The following ZNF778 variants were observed in gnomAD, a reference collection of about 807,000 sequenced individuals.
ZNF778 encodes the protein zinc finger protein 778.
In ZNF778, 37 loss-of-function variants were observed where a neutral mutation model predicts 23.9. The ratio of observed to expected loss-of-function variants is 1.54; its 90% CI spans 1.19 to 2.03. The LOEUF is 2.03. ZNF778 is among the 30% of genes most tolerant of loss of function. ZNF778 has a pLI of 0.00. For synonymous variants in ZNF778, 483 were observed against 343.9 expected (o/e 1.40, Z -4.48); for missense variants, 1,297 against 934.4 (o/e 1.39, Z -5.06).
rs747790377 is a variant in ZNF778, at chr16:89,228,084, C to G, written c.1796C>G (p.Thr599Ser). 6.2e-7 allele frequency: 1 copy of G among 1,612,910 alleles called. No homozygotes were observed. Among genetic ancestry groups the G allele is most frequent in the South Asian group, 1.1e-5 (1 of 91,022 alleles). Reference sequence around the variant, plus strand: ...TGTAAGGACTGTGGGAAAACATTCACTGTTTCTTCGAGCCTAACCGAGCAC... The same window carrying G: ...TGTAAGGACTGTGGGAAAACATTCAGTGTTTCTTCGAGCCTAACCGAGCAC... ...YECKDCGKTF[T>S]VSSSLTEHIR... Residue 599 changes from threonine to serine, a missense_variant, in exon 7 of 7, where the codon ACT becomes AGT. Physicochemically the swap from Thr to Ser is moderately conservative, Grantham distance 58 (BLOSUM62 1). Transcript: ENST00000433976.
Position 89,223,082 on chromosome 16 carries a change from G to T in ZNF778, c.118-75G>T. 3 of 1,544,870 alleles carry T rather than the reference G, an allele frequency of 1.9e-6. No individual in the cohort carries two copies. The South Asian group carries it at 3.7e-5, about 19-fold the overall frequency. ...GGCCTCACAGTCCCATAGGCGTAGG[G>T]CCCCGCCTCCTCATTCTTCAGTGAA... is the stretch of plus-strand genomic sequence containing the variant. On this transcript the variant is annotated intron_variant, in intron 3 of 6. Coordinates refer to ENST00000433976, the MANE Select transcript of ZNF778 (RefSeq NM_001201407.2).
rs1467443999 is a variant in ZNF778, at chr16:89,226,752, G to T, written c.464G>T (p.Ser155Ile). The change falls in exon 7 of 7, where the codon AGT becomes ATT. Residue 155 changes from serine to isoleucine, a missense_variant. Transcript: ENST00000433976. ...CDRTQCGEAF[S>I]EHSGLSTHVR... ...CGCACGCAGTGTGGAGAAGCTTTCA[G>T]TGAACACTCAGGCCTCAGCACACAC... 2 of 1,614,004 alleles carry T rather than the reference G, an allele frequency of 1.2e-6. No homozygotes were observed. Among genetic ancestry groups the T allele is most frequent in the East Asian group, 2.2e-5 (1 of 44,886 alleles).
At position 89,228,647 on chromosome 16, in the gene ZNF778, TGAG is replaced by T. The variant is rs769775587; in HGVS notation, c.*88_*90del. The T allele has an allele frequency of 1.7e-4, 253 of 1,513,230 alleles. No individual in the cohort carries two copies. The highest frequency in any genetic ancestry group is 2.1e-4 in the Non-Finnish European group (241 of 1,137,250). 93.7% of individuals were successfully genotyped at this position (1,513,230 alleles called of 1,614,324 possible). A position where few individuals can be genotyped will look rare whatever the true frequency, so the allele number is the denominator to read the frequency against. ...TCTCGTTCTCCAGATGTCCATGACT[TGAG>T]GAATGTGGCTAGGCAATCAGCATCT... On this transcript the variant is annotated 3_prime_UTR_variant, in exon 7 of 7. Transcript: ENST00000433976.
chr16:89,225,425 G>A, intron 5 of ZNF778, 130 bp from the exon 6 acceptor site: 1 of 673,060 alleles, frequency 1.5e-6, no homozygotes, highest in Middle Eastern at 3.0e-4. Flanking sequence ...CAGTTCCTAT[G>A]ATTCCAAATT....
chr16:89,234,050 G>A lies in ZNF778; in HGVS notation c.*5488G>A. 2.4e-6 allele frequency: 2 copies of A among 833,464 alleles called. No homozygotes were observed. Among genetic ancestry groups the A allele is most frequent in the Non-Finnish European group, 3.5e-6 (2 of 572,116 alleles). 51.6% of individuals were successfully genotyped at this position (833,464 alleles called of 1,614,324 possible). A position where few individuals can be genotyped will look rare whatever the true frequency, so the allele number is the denominator to read the frequency against. On this transcript the variant is annotated 3_prime_UTR_variant, in exon 7 of 7. Transcript: ENST00000433976. The stretch of plus-strand genomic sequence containing the variant: ...TCTGCCTCCCCTGGCTCTGACTTCT[G>A]CCTCCTGCCCAGCTCTGCAGCTCCC...
Position 89,221,093 on chromosome 16 carries a change from A to T in ZNF778, c.-35A>T. ...CCCTGCAGTGGCCTTGGCTTCAGGA[A>T]AGGAGCATTCAGACGCTTCCGTCAG... is the stretch of plus-strand genomic sequence containing the variant. On this transcript the variant is annotated 5_prime_UTR_variant, in exon 2 of 7. Transcript: ENST00000433976. 1 of 1,561,800 alleles carries T rather than the reference A, an allele frequency of 6.4e-7. No homozygotes were observed. The highest frequency in any genetic ancestry group is 1.4e-5 in the African/African-American group (1 of 73,666).
chr16:89,219,747 C>T (rs749193871), intron 1 of ZNF778, among the ~76,000 whole-genome samples: 4 of 152,282 alleles, frequency 2.6e-5, no homozygotes, highest in African/African-American at 9.6e-5. Flanking sequence ...CTGATCCACA[C>T]TTGGCACTGG....
Position 89,229,944 on chromosome 16 carries a change from A to T in ZNF778, c.*1382A>T. ...TTGAGGATCCAGATGTGATTCTGTG[A>T]GCAGTGTAGGCTCTGGTTGGTTAGT... On this transcript the variant is annotated 3_prime_UTR_variant, in exon 7 of 7. Transcript: ENST00000433976. 1.0e-6 allele frequency: 1 copy of T among 980,992 alleles called. No homozygotes were observed. The highest frequency in any genetic ancestry group is 1.1e-4 in the East Asian group (1 of 8,698). The allele number at this position is 980,992 out of a possible 1,614,324, so 60.8% of individuals were successfully genotyped here.
chr16:89,224,082 G>T (rs995769400), intron 4 of ZNF778, among the ~76,000 whole-genome samples: 1 of 151,408 alleles, frequency 6.6e-6, no homozygotes, highest in African/African-American at 2.4e-5. Flanking sequence ...GAGGCTGGGT[G>T]CAGTGGCTCA....
Position 89,234,544 on chromosome 16 carries a change from G to C in ZNF778, c.*5982G>C, listed in dbSNP as rs2032183712. On this transcript the variant is annotated 3_prime_UTR_variant, in exon 7 of 7. Coordinates refer to ENST00000433976, the MANE Select transcript of ZNF778 (RefSeq NM_001201407.2). ...TTTTTAGAAATAGTGAGGCTGTTGTGAGGTGAGTCACCACTTGTGACTTAG... is the reference window on the plus strand; with the variant it reads ...TTTTTAGAAATAGTGAGGCTGTTGTCAGGTGAGTCACCACTTGTGACTTAG... 5.8e-6 allele frequency: 1 copy of C among 172,240 alleles called. No homozygotes were observed. Among genetic ancestry groups the C allele is most frequent in the Non-Finnish European group, 1.3e-5 (1 of 79,502 alleles). 10.7% of individuals were successfully genotyped at this position (172,240 alleles called of 1,614,324 possible).
At chr16:89,224,577 C>T (rs1035491780) in intron 4 of ZNF778, 142 bp from the exon 5 acceptor site, 2 of 593,496 alleles carry the variant, frequency 3.4e-6, no homozygotes, top group African/African-American at 3.7e-5. Flanking sequence ...CGAGATTGCA[C>T]CACTGCACTC....
rs1277147211 is a variant in ZNF778 at position 89,227,288 on chromosome 16, G to A, written c.1000G>A (p.Glu334Lys). ...LTQHVRIHAA[E>K]KPCECKECGK... Reference sequence around the variant, plus strand: ...TCAACATGTAAGAATTCATGCTGCAGAGAAACCCTGTGAATGTAAAGAATG... The same window carrying A: ...TCAACATGTAAGAATTCATGCTGCAAAGAAACCCTGTGAATGTAAAGAATG... The change falls in exon 7 of 7, where the codon GAG (glutamate) becomes AAG (lysine). Residue 334 changes from glutamate to lysine, a missense_variant. Glu to Lys is a moderately conservative substitution (Grantham distance 56). Transcript: ENST00000433976. 4 of 1,613,956 alleles carry A rather than the reference G, an allele frequency of 2.5e-6. No homozygotes were observed. The highest frequency in any genetic ancestry group is 3.4e-6 in the Non-Finnish European group (4 of 1,179,826).
Position 89,233,639 on chromosome 16 carries a change from A to C in ZNF778, c.*5077A>C. On this transcript the variant is annotated 3_prime_UTR_variant, in exon 7 of 7. Transcript: ENST00000433976. ...ACTCAACTCACACTGTATGCAACTC[A>C]GCTCGCTCTGCATATGCAATTCAAC... 1 of 1,141,938 alleles carries C rather than the reference A, an allele frequency of 8.8e-7. No homozygotes were observed. The highest frequency in any genetic ancestry group is 1.1e-6 in the Non-Finnish European group (1 of 870,814). 70.7% of individuals were successfully genotyped at this position (1,141,938 alleles called of 1,614,324 possible). A position where few individuals can be genotyped will look rare whatever the true frequency, so the allele number is the denominator to read the frequency against.
chr16:89,232,868 G>A lies in ZNF778; in HGVS notation c.*4306G>A, dbSNP rs143882378. 37 of 1,220,106 alleles carry A rather than the reference G, an allele frequency of 3.0e-5. No homozygotes were observed. Among genetic ancestry groups the A allele is most frequent in the South Asian group, 2.8e-4 (19 of 67,672 alleles). 75.6% of individuals were successfully genotyped at this position (1,220,106 alleles called of 1,614,324 possible). On this transcript the variant is annotated 3_prime_UTR_variant, in exon 7 of 7. Transcript: ENST00000433976. Reference sequence around the variant, plus strand: ...TCACACCGTGTATGCAAATCAACTCGCACTGCGTATGCAACTCAACTCGCA... The same window carrying A: ...TCACACCGTGTATGCAAATCAACTCACACTGCGTATGCAACTCAACTCGCA...
rs1048728802 is a variant in ZNF778, at chr16:89,231,534, C to A, written c.*2972C>A. The A allele has an allele frequency of 2.0e-5, 3 of 152,272 alleles. No homozygotes were observed. Among genetic ancestry groups the A allele is most frequent in the Non-Finnish European group, 2.9e-5 (2 of 68,102 alleles). 9.4% of individuals were successfully genotyped at this position (152,272 alleles called of 1,614,324 possible). ...GACTTCACGCACTTCTTCAGAACCT[C>A]CTCAGCAGCGATGCCCATGGACTGG... On this transcript the variant is annotated 3_prime_UTR_variant, in exon 7 of 7. Transcript: ENST00000433976.
In ZNF778 at chr16:89,223,332, G is replaced by A. The variant is rs537612101; in HGVS notation, c.244+49G>A. ...AACTTCTGTGGAACCAATACTTGAT[G>A]TGTCCTTACTGTGTTCCAGGGTTGG... On this transcript the variant is annotated intron_variant, in intron 4 of 6. Transcript: ENST00000433976. 5.0e-4 allele frequency: 806 copies of A among 1,611,496 alleles called. 9 individuals carry two copies. The South Asian group carries it at 8.4e-3, about 17-fold the overall frequency.
At position 89,224,313 on chromosome 16, in the gene ZNF778, G is replaced by A. The variant is rs546064545; in HGVS notation, c.245-406G>A. 5.3e-5 allele frequency among the ~76,000 whole-genome samples: 8 copies of A among 152,014 alleles called. No homozygotes were observed. In the East Asian group the frequency reaches 5.8e-4, roughly 11 times the overall value. ...TGGGAGGCTGGGCGCAGTGGCTCAC[G>A]CCTGTAATCCGAGCACTCTGGGACG... On this transcript the variant is annotated intron_variant, in intron 4 of 6. Coordinates refer to ENST00000433976, the MANE Select transcript of ZNF778 (RefSeq NM_001201407.2).
In ZNF778 at chr16:89,232,399, C is replaced by A. The variant is rs2031971437; in HGVS notation, c.*3837C>A. On this transcript the variant is annotated 3_prime_UTR_variant, in exon 7 of 7. Coordinates refer to ENST00000433976, the MANE Select transcript of ZNF778 (RefSeq NM_001201407.2). ...CCAAATAAGCCTCTTTCTAAGTTAC[C>A]CACAGCCTCAGATATGTAGCAACAC... 2 of 303,098 alleles carry A rather than the reference C, an allele frequency of 6.6e-6. No homozygotes were observed. Among genetic ancestry groups the A allele is most frequent in the African/African-American group, 2.2e-5 (1 of 45,796 alleles). The allele number at this position is 303,098 out of a possible 1,614,324, so 18.8% of individuals were successfully genotyped here. A position where few individuals can be genotyped will look rare whatever the true frequency, so the allele number is the denominator to read the frequency against.
At chr16:89,223,544 C>A (rs982051249) in intron 4 of ZNF778, among the ~76,000 whole-genome samples, 2 of 152,178 alleles carry the variant, frequency 1.3e-5, no homozygotes, top group Non-Finnish European at 2.9e-5. Context: ...GGGGGTGGGC[C>A]TGTCATCTCT....
Sources: allele counts gnomAD v4.1 joint callset (sites outside exome capture counted in the v4.1 genomes callset), GRCh38; gene constraint gnomAD v4.1.1; transcripts MANE v1.5; gene names NCBI Gene and HGNC (gene_info 2026-07-23, HGNC 2026-07-21).